The following LCP1 variants were observed in gnomAD, a reference collection of about 807,000 sequenced individuals.
LCP1 encodes plastin-2.
Under a neutral mutation model 72.0 loss-of-function variants are expected in LCP1, and 23 were observed. The observed-to-expected ratio is 0.32, with a 90% CI of 0.23 to 0.45. The LOEUF (loss-of-function observed/expected upper bound fraction) is 0.45. LCP1 is among the 20% of genes least tolerant of loss of function. The probability of loss-of-function intolerance (pLI) is 1.00; values close to 1 mark genes in which losing one functional copy is unlikely to be tolerated. For missense variants in LCP1, 571 were observed against 748.3 expected, an observed-to-expected ratio of 0.76 and a Z score of 2.76; for synonymous variants, 245 against 275.4, an observed-to-expected ratio of 0.89 and a Z score of 1.09.
chr13:46,142,172 T>C, intron 13 of LCP1, 120 bp downstream of exon 13: 2 of 1,036,226 alleles, frequency 1.9e-6, no homozygotes, highest in Middle Eastern at 4.5e-4. Flanking sequence ...GTTTCTCTGG[T>C]TATGAAGCTT....
intron 1 of LCP1, among the ~76,000 whole-genome samples, chr13:46,178,281 T>TC (rs1228929185): frequency 6.6e-6 from 1 of 151,606 alleles, no homozygotes; most frequent in African/African-American, 2.4e-5. Context: ...CTCCCCCCCA[T>TC]CCCCCACCGA....
At chr13:46,142,185 C>A in intron 13 of LCP1, 107 bp downstream of exon 13, 1 of 1,169,144 alleles carries the variant, frequency 8.6e-7, no homozygotes, top group Admixed American at 2.2e-5. Flanking sequence ...TGAAGCTTAG[C>A]TTAAAACATA....
Position 46,127,574 on chromosome 13 carries a change from C to T in LCP1, c.*17G>A. On this transcript the variant is annotated 3_prime_UTR_variant, in exon 16 of 16. Coordinates refer to ENST00000323076, the MANE Select transcript of LCP1 (RefSeq NM_002298.5). Reference sequence around the variant, plus strand: ...TCAGGAGTGAGTGCACCGCCTCCCACCCAGCCCCATTGGGCCTCACACCCT... The same window carrying T: ...TCAGGAGTGAGTGCACCGCCTCCCATCCAGCCCCATTGGGCCTCACACCCT... The T allele has an allele frequency of 6.2e-7, 1 of 1,613,928 alleles. No homozygotes were observed. Among genetic ancestry groups the T allele is most frequent in the East Asian group, 2.2e-5 (1 of 44,870 alleles).
Position 46,146,896 on chromosome 13 carries a change from G to A in LCP1, c.1174+12C>T, listed in dbSNP as rs184134250. 309 of 1,613,674 alleles carry A rather than the reference G, an allele frequency of 1.9e-4. 1 individual carries two copies. The East Asian group carries it at 6.6e-3, about 35-fold the overall frequency. ...TGCCTTTCCCCATCTTAGGCAAATC[G>A]TTTACAGTTACCTTCAAGAGCCCCC... On this transcript the variant is annotated intron_variant, in intron 10 of 15. Coordinates refer to ENST00000323076, the MANE Select transcript of LCP1 (RefSeq NM_002298.5).
At chr13:46,145,455 A>G (rs1020493786) in intron 10 of LCP1, among the ~76,000 whole-genome samples, 1 of 152,230 alleles carries the variant, frequency 6.6e-6, no homozygotes, top group African/African-American at 2.4e-5. Context: ...AGCATAAAAG[A>G]AACATAACAA....
chr13:46,129,877 G>A (rs1236963402), intron 15 of LCP1, among the ~76,000 whole-genome samples: 1 of 152,288 alleles, frequency 6.6e-6, no homozygotes, highest in Non-Finnish European at 1.5e-5. Flanking sequence ...GAGTTGGGTG[G>A]GACCTTAATC....
chr13:46,136,644 AG>A (rs750282240), intron 13 of LCP1, among the ~76,000 whole-genome samples: 4 of 152,222 alleles, frequency 2.6e-5, no homozygotes, highest in Non-Finnish European at 4.4e-5. Context: ...CTCTTCATAA[AG>A]GTTACATTTT....
In LCP1 at chr13:46,156,671, G is replaced by A. The variant is rs146683030; in HGVS notation, c.359-101C>T. ...AAATTCTCATTCCCAGCAGAGAGAT[G>A]TGAGTTTATTCAGTCCATTATCTTA... is the stretch of plus-strand genomic sequence containing the variant. On this transcript the variant is annotated intron_variant, in intron 4 of 15. Transcript: ENST00000323076. 3.8e-4 allele frequency: 492 copies of A among 1,291,930 alleles called. 1 individual carries two copies. In the African/African-American group the frequency reaches 5.8e-3, roughly 15 times the overall value. The allele number at this position is 1,291,930 out of a possible 1,614,324, so 80.0% of individuals were successfully genotyped here.
intron 7 of LCP1, among the ~76,000 whole-genome samples, chr13:46,152,204 T>C (rs1339796869): frequency 6.6e-6 from 1 of 152,206 alleles, no homozygotes; most frequent in East Asian, 1.9e-4. Context: ...TCTCTTTCTT[T>C]CTTTCTTTTT....
rs964508010 is a variant in LCP1 at position 46,147,060 on chromosome 13, G to A, written c.1022C>T (p.Ala341Val). Residue 341 changes from alanine (A) to valine (V), a missense_variant, in exon 10 of 16, where the codon GCG becomes GTG. Coordinates refer to ENST00000323076, the MANE Select transcript of LCP1 (RefSeq NM_002298.5). Reference protein sequence around the residue: ...IQRAECMLQQAERLGCRQFVT... With the variant: ...IQRAECMLQQVERLGCRQFVT... ...AAACTGCCGGCAGCCCAGCCTCTCCGCCTGCTGCAGCATGCATTCTGCCCT... is the reference window on the plus strand; with the variant it reads ...AAACTGCCGGCAGCCCAGCCTCTCCACCTGCTGCAGCATGCATTCTGCCCT... 6.8e-6 allele frequency: 11 copies of A among 1,611,174 alleles called. No individual in the cohort carries two copies. The highest frequency in any genetic ancestry group is 2.7e-5 in the African/African-American group (2 of 74,718).
chr13:46,150,918 A>C lies in LCP1; in HGVS notation c.882+18T>G, dbSNP rs1445608616. ...TTCACTCCTGCAGAGAGTCATGTTCAAACAACGCTCCTCCTACCTTGATGT... is the reference window on the plus strand; with the variant it reads ...TTCACTCCTGCAGAGAGTCATGTTCCAACAACGCTCCTCCTACCTTGATGT... On this transcript the variant is annotated intron_variant, in intron 8 of 15. Transcript: ENST00000323076. 6.2e-7 allele frequency: 1 copy of C among 1,609,572 alleles called. No homozygotes were observed. Among genetic ancestry groups the C allele is most frequent in the Non-Finnish European group, 8.5e-7 (1 of 1,178,196 alleles).
intron 1 of LCP1, among the ~76,000 whole-genome samples, chr13:46,160,059 T>C (rs2045828699): frequency 6.6e-6 from 1 of 152,212 alleles, no homozygotes; most frequent in South Asian, 2.1e-4. Flanking sequence ...TGCTCATTCT[T>C]AGGATGCTCC....
intron 1 of LCP1, among the ~76,000 whole-genome samples, chr13:46,175,593 A>G (rs1053591460): frequency 6.6e-6 from 1 of 152,036 alleles, no homozygotes; most frequent in African/African-American, 2.4e-5. Flanking sequence ...GAGGAGAAAA[A>G]CTGTGTGAAC....
chr13:46,156,946 C>A (rs902505052), intron 4 of LCP1, among the ~76,000 whole-genome samples: 19 of 151,336 alleles, frequency 1.3e-4, no homozygotes, highest in African/African-American at 4.6e-4. Flanking sequence ...TCAGCCTCCC[C>A]CGTAGCTGGG....
Position 46,158,556 on chromosome 13 carries a change from C to T in LCP1, c.324G>A (p.Glu108=). ...EGICAIGGTS[E]QSSVGTQHSY... is the part of the protein sequence containing the mutation. ...AGTGTTGGGTGCCAACGCTAGACTG[C>T]TCTGAAGTACCACCGATTGCACAAA... The change falls in exon 4 of 16, where the codon GAG becomes GAA. Residue 108 remains glutamate (E), a synonymous_variant. Coordinates refer to ENST00000323076, the MANE Select transcript of LCP1 (RefSeq NM_002298.5). 6.2e-7 allele frequency: 1 copy of T among 1,614,168 alleles called. No homozygotes were observed. The highest frequency in any genetic ancestry group is 8.5e-7 in the Non-Finnish European group (1 of 1,180,024).
chr13:46,158,466 C>G (rs761324763), intron 4 of LCP1, 56 bp downstream of exon 4: 12 of 1,587,796 alleles, frequency 7.6e-6, no homozygotes, highest in Non-Finnish European at 1.0e-5. Flanking sequence ...GGTTTGAATA[C>G]CAAGTTTAGA....
chr13:46,134,080 T>A, intron 14 of LCP1, 47 bp downstream of exon 14: 2 of 1,601,450 alleles, frequency 1.2e-6, no homozygotes, highest in Non-Finnish European at 1.7e-6. Context: ...ACAATACAGA[T>A]AGGCATAGAG....
chr13:46,137,595 A>T (rs934148564), intron 13 of LCP1, among the ~76,000 whole-genome samples: 6 of 152,246 alleles, frequency 3.9e-5, no homozygotes, highest in Non-Finnish European at 8.8e-5. Flanking sequence ...GCAATTGCTC[A>T]TCTAAATACA....
rs2045704126 is a variant in LCP1, at chr13:46,142,387, A to T, written c.1407T>A (p.Asn469Lys). The stretch of plus-strand genomic sequence containing the variant: ...TGCCAACCAGGGAGAACTTCGCTTG[A>T]TTCTTCCCCAATTCTACCGCGTAGT... ...NCNYAVELGK[N>K]QAKFSLVGIG... The change falls in exon 13 of 16, where the codon AAT becomes AAA. Residue 469 changes from asparagine to lysine, a missense_variant. By Grantham distance (94) the Asn-to-Lys change is moderately conservative. Coordinates refer to ENST00000323076, the MANE Select transcript of LCP1 (RefSeq NM_002298.5). 6 of 1,614,024 alleles carry T rather than the reference A, an allele frequency of 3.7e-6. No individual in the cohort carries two copies. In the South Asian group the frequency reaches 5.5e-5, roughly 15 times the overall value.
Sources: allele counts gnomAD v4.1 joint callset (sites outside exome capture counted in the v4.1 genomes callset), GRCh38; gene constraint gnomAD v4.1.1; transcripts MANE v1.5; gene names NCBI Gene and HGNC (gene_info 2026-07-23, HGNC 2026-07-21).